Variants in FRMPD3 observed in about 807,000 individuals in gnomAD.
FRMPD3 encodes the protein FERM and PDZ domain containing 3.
Under a neutral mutation model 97.9 loss-of-function variants are expected in FRMPD3, and 42 were observed. That is an observed-to-expected ratio of 0.43 (90% CI 0.34 to 0.55). FRMPD3 has a LOEUF of 0.55. Among genes scored for constraint, FRMPD3 ranks in the 20% least tolerant of loss-of-function variants. The pLI, the probability that FRMPD3 is intolerant of heterozygous loss-of-function variation, is 0.03. For missense variants in FRMPD3, 1,303 were observed against 1,457.7 expected (o/e 0.89, Z 1.73); for synonymous variants, 577 against 581.1 (o/e 0.99, Z 0.10).
chrX:107,599,283 GA>G (rs1050422462), intron 14 of FRMPD3, among the ~76,000 whole-genome samples: 14 of 110,310 alleles, frequency 1.3e-4, no homozygotes, highest in African/African-American at 4.6e-4. Context: ...AAAAAAAGAA[GA>G]AAAAAGAAAG....
intron 1 of FRMPD3, among the ~76,000 whole-genome samples, chrX:107,500,071 A>G (rs1024038536): frequency 8.9e-6 from 1 of 112,190 alleles, no homozygotes; most frequent in Non-Finnish European, 1.9e-5. Context: ...TGTATGCCGT[A>G]GAAATGTCCC....
intron 11 of FRMPD3, among the ~76,000 whole-genome samples, chrX:107,564,649 C>A (rs1447511638): frequency 8.9e-6 from 1 of 112,319 alleles, no homozygotes; most frequent in East Asian, 2.8e-4. Context: ...TTTACTCAAC[C>A]TGCTGCTGAG....
At chrX:107,536,296 C>G (rs1923235658) in intron 4 of FRMPD3, among the ~76,000 whole-genome samples, 1 of 111,200 alleles carries the variant, frequency 9.0e-6, no homozygotes, top group South Asian at 3.8e-4. Context: ...TTGGAGACTG[C>G]TTTGAGCTAT....
At chrX:107,524,462 C>G (rs1292294572) in intron 1 of FRMPD3, among the ~76,000 whole-genome samples, 1 of 112,548 alleles carries the variant, frequency 8.9e-6, no homozygotes, top group African/African-American at 3.2e-5. Flanking sequence ...GGGTGACAGA[C>G]AGACTCCAAG....
At chrX:107,496,777 G>C (rs1411231392) in intron 1 of FRMPD3, among the ~76,000 whole-genome samples, 2 of 111,736 alleles carry the variant, frequency 1.8e-5, no homozygotes, top group Non-Finnish European at 3.8e-5. Flanking sequence ...ACTCAACAAA[G>C]CTGTTCTATG....
At chrX:107,454,152 T>A (rs2147885181) in intron 1 of FRMPD3, among the ~76,000 whole-genome samples, 1 of 111,796 alleles carries the variant, frequency 8.9e-6, no homozygotes, top group African/African-American at 3.3e-5. Context: ...GGTTCTAATA[T>A]CTGGGTCTCC....
At chrX:107,504,014 G>A (rs748576102) in intron 1 of FRMPD3, among the ~76,000 whole-genome samples, 7 of 112,897 alleles carry the variant, frequency 6.2e-5, no homozygotes, top group Non-Finnish European at 7.5e-5. Flanking sequence ...AGAAGGGCAG[G>A]AGAGTGAAGG....
At chrX:107,479,439 A>G (rs777501181) in intron 1 of FRMPD3, among the ~76,000 whole-genome samples, 1 of 112,025 alleles carries the variant, frequency 8.9e-6, no homozygotes, top group Non-Finnish European at 1.9e-5. Context: ...ACTAAATGTG[A>G]CTCATTCCCT....
intron 1 of FRMPD3, among the ~76,000 whole-genome samples, chrX:107,510,219 A>C (rs988838756): frequency 6.9e-4 from 77 of 111,627 alleles, no homozygotes; most frequent in African/African-American, 2.4e-3. Flanking sequence ...CAAAAAAAAA[A>C]TCGTTTTTCC....
intron 1 of FRMPD3, among the ~76,000 whole-genome samples, chrX:107,491,813 T>C (rs1921665671): frequency 8.9e-6 from 1 of 111,889 alleles, no homozygotes; most frequent in Admixed American, 9.4e-5. Flanking sequence ...GGCCAAACAA[T>C]TTGTACAGCA....
At chrX:107,574,278 GAA>G (rs1181797880) in intron 12 of FRMPD3, among the ~76,000 whole-genome samples, 1 of 97,955 alleles carries the variant, frequency 1.0e-5, no homozygotes, top group Non-Finnish European at 2.1e-5. Flanking sequence ...TGTCTCTATT[GAA>G]AAAAAAAAAA....
chrX:107,498,241 G>C (rs918548258), intron 1 of FRMPD3, among the ~76,000 whole-genome samples: 1 of 112,277 alleles, frequency 8.9e-6, no homozygotes, highest in South Asian at 3.7e-4. Context: ...AATTCAGATC[G>C]CCTGAAGGAA....
chrX:107,466,836 A>C (rs1931573463), intron 1 of FRMPD3, among the ~76,000 whole-genome samples: 1 of 111,352 alleles, frequency 9.0e-6, no homozygotes, highest in Admixed American at 9.5e-5. Context: ...TAGCCAAGAG[A>C]CTCTAAGAGG....
intron 1 of FRMPD3, among the ~76,000 whole-genome samples, chrX:107,497,496 C>T (rs780181024): frequency 3.2e-4 from 36 of 112,328 alleles, no homozygotes; most frequent in Non-Finnish European, 5.6e-4. Flanking sequence ...CTTTCCAGGC[C>T]TGATGGGGAG....
intron 1 of FRMPD3, among the ~76,000 whole-genome samples, chrX:107,465,355 C>T (rs761708950): frequency 9.0e-6 from 1 of 110,831 alleles, no homozygotes; most frequent in East Asian, 2.8e-4. Context: ...CCTGTAATCC[C>T]GGCTACTCAG....
intron 14 of FRMPD3, 98 bp from the exon 15 acceptor site, chrX:107,600,205 T>C: frequency 9.4e-7 from 1 of 1,066,713 alleles, no homozygotes; most frequent in African/African-American, 1.9e-5. Context: ...TCAGGAGTCC[T>C]AGAGCCAATC....
Position 107,470,939 on chromosome X carries a change from G to A in FRMPD3, c.-8+20934G>A, listed in dbSNP as rs754872312. Among the ~76,000 whole-genome samples, 5 of 111,951 alleles carry A rather than the reference G, an allele frequency of 4.5e-5. No homozygotes were observed. In the South Asian group the frequency reaches 1.9e-3, roughly 42 times the overall value. On this transcript the variant is annotated intron_variant, in intron 1 of 14. Coordinates refer to ENST00000683843, the MANE Select transcript of FRMPD3 (RefSeq NM_001388459.1). The stretch of plus-strand genomic sequence containing the variant: ...CACACCCAGGGTTGCTGAAGTCCTG[G>A]GACCCTCCTAAGATCCAAGCTCAAG...
chrX:107,454,759 G>A (rs1931348083), intron 1 of FRMPD3, among the ~76,000 whole-genome samples: 1 of 112,073 alleles, frequency 8.9e-6, no homozygotes, highest in African/African-American at 3.2e-5. Context: ...TTCTCCTTGT[G>A]TGGACCTAAC....
At chrX:107,547,970 C>A (rs113352755) in intron 5 of FRMPD3, among the ~76,000 whole-genome samples, 1,386 of 109,850 alleles carry the variant, frequency 0.013, 34 homozygotes, top group African/African-American at 0.046. Context: ...GGGAGTCACA[C>A]TCTTCCAATT....
Sources: allele counts gnomAD v4.1 joint callset (sites outside exome capture counted in the v4.1 genomes callset), GRCh38; gene constraint gnomAD v4.1.1; transcripts MANE v1.5; gene names NCBI Gene and HGNC (gene_info 2026-07-23, HGNC 2026-07-21).